E2F1: variants seen among roughly 807,000 people sequenced by gnomAD.
E2F1 encodes the protein E2F transcription factor 1.
A neutral mutation model predicts 36.9 loss-of-function variants in E2F1; 7 were observed. The ratio of observed to expected loss-of-function variants is 0.19; its 90% CI spans 0.11 to 0.36. The LOEUF is 0.36. E2F1 is among the 10% of genes least tolerant of loss of function. The probability of loss-of-function intolerance (pLI) is 1.00; values close to 1 mark genes in which losing one functional copy is unlikely to be tolerated. For synonymous variants in E2F1, 261 were observed against 263.1 expected, an observed-to-expected ratio of 0.99 and a Z score of 0.08; for missense variants, 406 against 573.6, an observed-to-expected ratio of 0.71 and a Z score of 2.99.
chr20:33,680,457 G>T (rs199962585), intron 1 of E2F1, 41 bp from the exon 2 acceptor site: 1 of 1,587,868 alleles, frequency 6.3e-7, no homozygotes. Context: ...CCAGGAGTGA[G>T]GCCAGAAGAG....
At chr20:33,685,733 CTAT>C (rs1357211824) in intron 1 of E2F1, among the ~76,000 whole-genome samples, 1 of 152,198 alleles carries the variant, frequency 6.6e-6, no homozygotes, top group African/African-American at 2.4e-5. Context: ...TACACGTGGG[CTAT>C]TATTATCACT....
intron 4 of E2F1, 125 bp from the exon 5 acceptor site, chr20:33,677,665 C>G: frequency 1.5e-6 from 1 of 660,160 alleles, no homozygotes; most frequent in Non-Finnish European, 2.6e-6. Flanking sequence ...CCACTCAAAA[C>G]CTACCTCACG....
At chr20:33,684,393 CT>C (rs1013410910) in intron 1 of E2F1, among the ~76,000 whole-genome samples, 68 of 152,332 alleles carry the variant, frequency 4.5e-4, no homozygotes, top group African/African-American at 1.6e-3. Flanking sequence ...TGGCCCACCC[CT>C]GGTACAACCC....
rs760671739 is a variant in E2F1 at position 33,679,829 on chromosome 20, G to A, written c.498C>T (p.Arg166=). 27 of 1,614,120 alleles carry A rather than the reference G, an allele frequency of 1.7e-5. No individual in the cohort carries two copies. The highest frequency in any genetic ancestry group is 1.5e-4 in the South Asian group (14 of 91,086). ...AAEVLKVQKR[R]IYDITNVLEG... ...CAAGGACGTTGGTGATGTCATAGATGCGCCGCTTCTGCACCTTCAGCACCT... is the reference window on the plus strand; with the variant it reads ...CAAGGACGTTGGTGATGTCATAGATACGCCGCTTCTGCACCTTCAGCACCT... Residue 166 remains arginine, a synonymous_variant, in exon 3 of 7, where the codon CGC becomes CGT. Coordinates refer to ENST00000343380, the MANE Select transcript of E2F1 (RefSeq NM_005225.3). The surrounding 1 kb of genome is among the most constrained non-coding windows in gnomAD (Gnocchi z 4.6).
rs1304889505 is a variant in E2F1, at chr20:33,686,331, C to T, written c.-67G>A. 2 of 991,252 alleles carry T rather than the reference C, an allele frequency of 2.0e-6. No homozygotes were observed. The highest frequency in any genetic ancestry group is 1.8e-5 in the African/African-American group (1 of 56,994). 61.4% of individuals were successfully genotyped at this position (991,252 alleles called of 1,614,324 possible). On this transcript the variant is annotated 5_prime_UTR_variant, in exon 1 of 7. Transcript: ENST00000343380. ...GCGGCGCGGGCCCATGGCGGCAGGC[C>T]TCGGCGAGGGCTCGATCCCGCTCCG...
chr20:33,681,658 G>A (rs146817823), intron 1 of E2F1, among the ~76,000 whole-genome samples: 11 of 152,118 alleles, frequency 7.2e-5, no homozygotes, highest in Non-Finnish European at 1.3e-4. Context: ...AAAAGTACCC[G>A]GACCAAAACC....
chr20:33,683,923 T>C (rs2018040478), intron 1 of E2F1, among the ~76,000 whole-genome samples: 1 of 152,252 alleles, frequency 6.6e-6, no homozygotes, highest in Non-Finnish European at 1.5e-5. Context: ...CCTGCTGGTA[T>C]AGAAGCTAAG....
intron 1 of E2F1, among the ~76,000 whole-genome samples, chr20:33,685,571 C>G (rs6087511): frequency 1.3e-5 from 2 of 152,256 alleles, no homozygotes; most frequent in South Asian, 4.2e-4. Context: ...CACCTGCAGC[C>G]GTGTGACCAG....
chr20:33,676,731 G>A lies in E2F1; in HGVS notation c.*1C>T. On this transcript the variant is annotated 3_prime_UTR_variant, in exon 7 of 7. Transcript: ENST00000343380. ...GGAAACCCTGGTCCCTCCAAGCCCT[G>A]TCAGAAATCCAGGGGGGTGAGGTCC... The A allele has an allele frequency of 1.9e-6, 3 of 1,607,358 alleles. No individual in the cohort carries two copies. Among genetic ancestry groups the A allele is most frequent in the Non-Finnish European group, 2.5e-6 (3 of 1,176,950 alleles).
In E2F1 at chr20:33,686,093, G is replaced by A. The variant is rs1045481159; in HGVS notation, c.172C>T (p.Pro58Ser). ...PTGPAAPAAGPCDPDLLLFAT... is the reference protein window; with the variant it reads ...PTGPAAPAAGSCDPDLLLFAT... ...AAGAGCAGCAGGTCAGGGTCGCAGG[G>A]GCCGGCGGCGGGCGCCGCGGGGCCG... The change falls in exon 1 of 7, where the codon CCC becomes TCC. Residue 58 changes from proline to serine, a missense_variant. Physicochemically the swap from Pro to Ser is moderately conservative, Grantham distance 74 (BLOSUM62 -1). This residue lies in a region of E2F1 where 68 missense variants were observed against 74.3 expected (regional missense o/e 0.92). Transcript: ENST00000343380. 8.2e-6 allele frequency: 9 copies of A among 1,091,778 alleles called. No individual in the cohort carries two copies. The African/African-American group carries it at 8.4e-5, about 10-fold the overall frequency. 67.6% of individuals were successfully genotyped at this position (1,091,778 alleles called of 1,614,324 possible). A position where few individuals can be genotyped will look rare whatever the true frequency, so the allele number is the denominator to read the frequency against.
In E2F1 at chr20:33,677,266, G is replaced by A. The variant is rs2017974194; in HGVS notation, c.905C>T (p.Thr302Ile). 1.9e-6 allele frequency: 3 copies of A among 1,614,014 alleles called. No homozygotes were observed. The highest frequency in any genetic ancestry group is 2.5e-6 in the Non-Finnish European group (3 of 1,180,030). The change falls in exon 6 of 7, where the codon ACC becomes ATC. Residue 302 changes from threonine (T) to isoleucine (I), a missense_variant. By Grantham distance (89) the Thr-to-Ile change is moderately conservative (BLOSUM62 -1). Around this residue, in one of 5 missense-constraint regions of E2F1, gnomAD observed 163 missense variants for 181.5 expected, o/e 0.90. Transcript: ENST00000343380. ...PIDVFLCPEE[T>I]VGGISPGKTP... ...CTTCCCAGGGCTGATCCCACCTACG[G>A]TCTCCTCAGGGCACAGGAAAACATC...
rs757322704 is a variant in E2F1 at position 33,678,187 on chromosome 20, C to A, written c.725+14G>T. On this transcript the variant is annotated intron_variant, in intron 4 of 6. Coordinates refer to ENST00000343380, the MANE Select transcript of E2F1 (RefSeq NM_005225.3). ...AAGCCTGCCTTCCACACCCTACGGC[C>A]AATCCAAGGATATCGCTGGCTGTCA... 11 of 1,607,260 alleles carry A rather than the reference C, an allele frequency of 6.8e-6. No individual in the cohort carries two copies. In the Admixed American group the frequency reaches 1.3e-4, roughly 20 times the overall value.
Position 33,680,431 on chromosome 20 carries a change from G to T in E2F1, c.262-15C>A, listed in dbSNP as rs1388358570. 2.5e-5 allele frequency: 40 copies of T among 1,611,934 alleles called. No individual in the cohort carries two copies. The highest frequency in any genetic ancestry group is 3.4e-5 in the Non-Finnish European group (40 of 1,178,952). On this transcript the variant is annotated splice_polypyrimidine_tract_variant and intron_variant, in intron 1 of 6. Transcript: ENST00000343380. ...CTCCGCTTCACCTGTGGCGAAAACG[G>T]GAGGATGCCCAGTAACCAGGAGTGA... is the stretch of plus-strand genomic sequence containing the variant.
rs781400517 is a variant in E2F1, at chr20:33,680,421, G to A, written c.262-5C>T. On this transcript the variant is annotated splice_region_variant and splice_polypyrimidine_tract_variant and intron_variant, in intron 1 of 6. Transcript: ENST00000343380. ...CAGGTCCAGCCTCCGCTTCACCTGT[G>A]GCGAAAACGGGAGGATGCCCAGTAA... The A allele has an allele frequency of 7.4e-6, 12 of 1,612,886 alleles. No individual in the cohort carries two copies. In the African/African-American group the frequency reaches 1.6e-4, roughly 22 times the overall value.
In E2F1 at chr20:33,676,870, G is replaced by A. The variant is rs142009843; in HGVS notation, c.1176C>T (p.Ser392=). 960 of 1,582,378 alleles carry A rather than the reference G, an allele frequency of 6.1e-4. 2 individuals are homozygous for A. Among genetic ancestry groups the A allele is most frequent in the Non-Finnish European group, 7.7e-4 (898 of 1,163,164 alleles). ...SLLEHVREDF[S]GLLPEEFISL... Reference sequence around the variant, plus strand: ...TGATGAACTCCTCAGGGAGGAGGCCGGAGAAGTCCTCCCGCACATGCTCCA... The same window carrying A: ...TGATGAACTCCTCAGGGAGGAGGCCAGAGAAGTCCTCCCGCACATGCTCCA... The change falls in exon 7 of 7, where the codon TCC becomes TCT. Residue 392 remains serine (S), a synonymous_variant. Transcript: ENST00000343380.
chr20:33,680,077 TG>T (rs1263036392), intron 2 of E2F1, 103 bp from the exon 3 acceptor site: 111 of 1,076,878 alleles, frequency 1.0e-4, no homozygotes, highest in Middle Eastern at 6.2e-4. Context: ...TGATGGGGGC[TG>T]GGGGACAGCC....
chr20:33,678,753 G>C (rs889803930), intron 3 of E2F1, among the ~76,000 whole-genome samples: 56 of 151,854 alleles, frequency 3.7e-4, no homozygotes, highest in African/African-American at 1.3e-3. Flanking sequence ...TCAGGAGTTT[G>C]AGACCAGCCT....
chr20:33,677,500 C>G lies in E2F1; in HGVS notation c.766G>C (p.Asp256His), dbSNP rs758585438. ...ACCATAACCATCTGCTCTGCAGGGT[C>G]TGCAATGCTACGAAGGTCCTGACAC... The part of the protein sequence containing the change: ...VTCQDLRSIA[D>H]PAEQMVMVIK... Residue 256 changes from aspartate (D) to histidine (H), a missense_variant, in exon 5 of 7, where the codon GAC becomes CAC. By Grantham distance (81) the Asp-to-His change is moderately conservative. This residue lies in a region of E2F1 where 93 missense variants were observed against 143.3 expected (regional missense o/e 0.65). Coordinates refer to ENST00000343380, the MANE Select transcript of E2F1 (RefSeq NM_005225.3). The G allele has an allele frequency of 1.2e-6, 2 of 1,614,134 alleles. No homozygotes were observed. Among genetic ancestry groups the G allele is most frequent in the Admixed American group, 1.7e-5 (1 of 60,020 alleles).
At position 33,677,334 on chromosome 20, in the gene E2F1, G is replaced by A; in HGVS notation, c.841-4C>T. 2.5e-6 allele frequency: 4 copies of A among 1,612,790 alleles called. No individual in the cohort carries two copies. The highest frequency in any genetic ancestry group is 3.4e-6 in the Non-Finnish European group (4 of 1,179,056). ...TCTTAAGGGAGATCTGAAAGTTCTGGGTGGAAGCAGCAGGCAGGGTAAACT... is the reference window on the plus strand; with the variant it reads ...TCTTAAGGGAGATCTGAAAGTTCTGAGTGGAAGCAGCAGGCAGGGTAAACT... On this transcript the variant is annotated splice_polypyrimidine_tract_variant and splice_region_variant and intron_variant, in intron 5 of 6. Transcript: ENST00000343380.
Sources: allele counts gnomAD v4.1 joint callset (sites outside exome capture counted in the v4.1 genomes callset), GRCh38; gene constraint gnomAD v4.1.1; regional missense constraint gnomAD v4.1.1; non-coding constraint Gnocchi (gnomAD v3.1); transcripts MANE v1.5; gene names NCBI Gene and HGNC (gene_info 2026-07-23, HGNC 2026-07-21).